The following ELK3 variants were observed in gnomAD, a reference collection of about 807,000 sequenced individuals.
The protein encoded by ELK3 is ETS domain-containing protein Elk-3.
Under a neutral mutation model 28.9 loss-of-function variants are expected in ELK3, and 10 were observed. The ratio of observed to expected loss-of-function variants is 0.35; its 90% CI spans 0.21 to 0.59. The LOEUF (loss-of-function observed/expected upper bound fraction) is 0.59, where lower values mean the gene tolerates loss of function less well. Among genes scored for constraint, ELK3 ranks in the 20% least tolerant of loss-of-function variants. The pLI, the probability that ELK3 is intolerant of heterozygous loss-of-function variation, is 0.82. For synonymous variants in ELK3, 272 were observed against 243.5 expected (o/e 1.12, Z -1.09); for missense variants, 463 against 517.3 (o/e 0.90, Z 1.02).
At chr12:96,228,442 A>AAAAAAAAAAAAAAAAAAAAAAAAAAG (rs761298726) in intron 2 of ELK3, among the ~76,000 whole-genome samples, 2 of 142,560 alleles carry the variant, frequency 1.4e-5, no homozygotes, top group Non-Finnish European at 3.1e-5. Flanking sequence ...AAAAAAAAAA[A>AAAAAAAAAAAAAAAAAAAAAAAAAAG]AAGAAGATCA....
At chr12:96,232,750 A>G (rs899595451) in intron 2 of ELK3, among the ~76,000 whole-genome samples, 2 of 17,602 alleles carry the variant, frequency 1.1e-4, no homozygotes, top group Non-Finnish European at 1.8e-4. Context: ...GTTTCTACAA[A>G]AACAAACAAA....
chr12:96,231,251 A>AGGT (rs1298275871), intron 2 of ELK3, among the ~76,000 whole-genome samples: 1 of 152,222 alleles, frequency 6.6e-6, no homozygotes, highest in Non-Finnish European at 1.5e-5. Flanking sequence ...GTCTTCCAGA[A>AGGT]GGTAGTTTTA....
rs189689539 is a variant in ELK3 at position 96,232,526 on chromosome 12, A to C, written c.207+8753A>C. On this transcript the variant is annotated intron_variant, in intron 2 of 4. Coordinates refer to ENST00000228741, the MANE Select transcript of ELK3 (RefSeq NM_005230.4). ...GTGGAGATTGCAGTGGGCCGAGATC[A>C]CATCACTGCACTGCAGCCTGGGCAA... 2.9e-3 allele frequency among the ~76,000 whole-genome samples: 445 copies of C among 151,632 alleles called. 2 individuals are homozygous for C. Among genetic ancestry groups the C allele is most frequent in the African/African-American group, 0.01 (427 of 41,328 alleles).
intron 4 of ELK3, among the ~76,000 whole-genome samples, chr12:96,260,462 T>A (rs1398960233): frequency 2.0e-5 from 3 of 152,160 alleles, no homozygotes; most frequent in African/African-American, 7.2e-5. Flanking sequence ...ATCATTAAGT[T>A]CTCCTTGTTC....
At chr12:96,224,921 G>C (rs139978970) in intron 2 of ELK3, among the ~76,000 whole-genome samples, 1 of 152,124 alleles carries the variant, frequency 6.6e-6, no homozygotes, top group Non-Finnish European at 1.5e-5. Context: ...AGGATTATAC[G>C]TTTCAGGAAG....
intron 2 of ELK3, among the ~76,000 whole-genome samples, chr12:96,232,342 G>A (rs928982502): frequency 2.0e-5 from 3 of 152,128 alleles, no homozygotes; most frequent in African/African-American, 7.2e-5. Flanking sequence ...AGGCCGAGGC[G>A]GGTGGATCCT....
At chr12:96,257,657 A>C (rs962332086) in intron 3 of ELK3, among the ~76,000 whole-genome samples, 6 of 152,246 alleles carry the variant, frequency 3.9e-5, no homozygotes, top group Non-Finnish European at 7.3e-5. Flanking sequence ...CACACTGGTT[A>C]TTAAATGTTA....
chr12:96,259,965 A>G, intron 4 of ELK3, 112 bp downstream of exon 4: 2 of 1,399,390 alleles, frequency 1.4e-6, no homozygotes, highest in Admixed American at 2.4e-5. Context: ...GAAATATTAA[A>G]TGTCCAGAGG....
At chr12:96,209,916 CTTT>C (rs79776657) in intron 1 of ELK3, among the ~76,000 whole-genome samples, 1 of 142,266 alleles carries the variant, frequency 7.0e-6, no homozygotes, top group African/African-American at 2.6e-5. Context: ...ACTTTTTCTC[CTTT>C]TTTTTTTTTT....
chr12:96,258,503 AAAT>A (rs1407727472), intron 3 of ELK3, among the ~76,000 whole-genome samples: 1 of 152,250 alleles, frequency 6.6e-6, no homozygotes, highest in Non-Finnish European at 1.5e-5. Flanking sequence ...TTCTAGGAAA[AAAT>A]AACACTTTAG....
intron 2 of ELK3, among the ~76,000 whole-genome samples, chr12:96,245,552 A>G (rs1951849370): frequency 6.6e-6 from 1 of 152,110 alleles, no homozygotes. Context: ...AAGCTCTTCT[A>G]CTTGAAATGA....
Position 96,247,008 on chromosome 12 carries a change from G to A in ELK3, c.276G>A (p.Lys92=). The A allele has an allele frequency of 1.2e-6, 2 of 1,614,060 alleles. No individual in the cohort carries two copies. Among genetic ancestry groups the A allele is most frequent in the Non-Finnish European group, 1.7e-6 (2 of 1,179,932 alleles). The change falls in exon 3 of 5, where the codon AAG becomes AAA. Residue 92 remains lysine, a synonymous_variant. Transcript: ENST00000228741. The surrounding 1 kb of genome is among the most constrained non-coding windows in gnomAD (Gnocchi z 5.5). ...YKFVSFPEIL[K]MDPHAVEISR... ...TTGTCTCTTTCCCGGAGATCCTGAA[G>A]ATGGATCCTCACGCGGTGGAGATCA...
At chr12:96,198,711 T>C (rs987684210) in intron 1 of ELK3, among the ~76,000 whole-genome samples, 1 of 152,300 alleles carries the variant, frequency 6.6e-6, no homozygotes, top group African/African-American at 2.4e-5. Context: ...TATAAAAAAA[T>C]AGACATCTCC....
intron 1 of ELK3, among the ~76,000 whole-genome samples, chr12:96,219,683 C>T (rs555777947): frequency 6.6e-6 from 1 of 152,266 alleles, no homozygotes; most frequent in East Asian, 1.9e-4. Context: ...GATGGTGGGT[C>T]CCAGAGCTGC....
chr12:96,247,666 G>T lies in ELK3; in HGVS notation c.934G>T (p.Gly312Cys). 6 of 1,612,200 alleles carry T rather than the reference G, an allele frequency of 3.7e-6. No homozygotes were observed. Among genetic ancestry groups the T allele is most frequent in the Non-Finnish European group, 5.1e-6 (6 of 1,179,818 alleles). Residue 312 changes from glycine (G) to cysteine (C), a missense_variant, in exon 3 of 5, where the codon GGC becomes TGC. Physicochemically the swap from Gly to Cys is radical, Grantham distance 159. Around this residue, in one of 2 missense-constraint regions of ELK3, gnomAD observed 408 missense variants for 414.8 expected, o/e 0.98. Transcript: ENST00000228741. The surrounding 1 kb of genome is among the most constrained non-coding windows in gnomAD (Gnocchi z 5.5). Reference sequence around the variant, plus strand: ...GCTGGTGCTCTCCGGCACCGACATCGGCTCCATCGCCCTCAACAGCCCAGC... The same window carrying T: ...GCTGGTGCTCTCCGGCACCGACATCTGCTCCATCGCCCTCAACAGCCCAGC... ...PPLVLSGTDI[G>C]SIALNSPALP...
intron 4 of ELK3, among the ~76,000 whole-genome samples, chr12:96,266,249 T>C (rs1224159829): frequency 6.6e-6 from 1 of 152,228 alleles, no homozygotes; most frequent in Non-Finnish European, 1.5e-5. Flanking sequence ...AATTTGATAT[T>C]TGGCGCTGAA....
intron 3 of ELK3, among the ~76,000 whole-genome samples, chr12:96,248,153 CAAG>C (rs1449934633): frequency 6.6e-6 from 1 of 152,114 alleles, no homozygotes; most frequent in Non-Finnish European, 1.5e-5. Context: ...GTTCTGTTAA[CAAG>C]AAAATAGATG....
At chr12:96,196,497 T>C (rs956855811) in intron 1 of ELK3, among the ~76,000 whole-genome samples, 1 of 152,154 alleles carries the variant, frequency 6.6e-6, no homozygotes, top group East Asian at 1.9e-4. Context: ...AAATACCCTC[T>C]GATCTCTTTT....
intron 1 of ELK3, among the ~76,000 whole-genome samples, chr12:96,210,597 A>ACCCC (rs1555193042): frequency 3.0e-4 from 44 of 149,068 alleles, no homozygotes; most frequent in African/African-American, 9.1e-4. Context: ...ACACACACAC[A>ACCCC]CCCCGAGTGG....
Sources: allele counts gnomAD v4.1 joint callset (sites outside exome capture counted in the v4.1 genomes callset), GRCh38; gene constraint gnomAD v4.1.1; regional missense constraint gnomAD v4.1.1; non-coding constraint Gnocchi (gnomAD v3.1); transcripts MANE v1.5; gene names NCBI Gene and HGNC (gene_info 2026-07-23, HGNC 2026-07-21).